ABLIM2: variants seen among roughly 807,000 people sequenced by gnomAD.
ABLIM2 encodes actin binding LIM protein family member 2, also known as actin-binding LIM protein 2.
Under a neutral mutation model 97.7 loss-of-function variants are expected in ABLIM2, and 53 were observed. That is an observed-to-expected ratio of 0.54 (90% CI 0.44 to 0.68). ABLIM2 has a LOEUF of 0.68. Among genes scored for constraint, ABLIM2 ranks in the 30% least tolerant of loss-of-function variants. The pLI, the probability that ABLIM2 is intolerant of heterozygous loss-of-function variation, is 0.00. For missense variants in ABLIM2, 835 were observed against 867.2 expected (o/e 0.96, Z 0.47); for synonymous variants, 361 against 345.8 (o/e 1.04, Z -0.49).
Position 8,054,547 on chromosome 4 carries a change from C to A in ABLIM2, c.764-301G>T, listed in dbSNP as rs932813236. Among the ~76,000 whole-genome samples the A allele has an allele frequency of 2.6e-5, 4 of 152,188 alleles. No homozygotes were observed. Among genetic ancestry groups the A allele is most frequent in the East Asian group, 1.9e-4 (1 of 5,186 alleles). On this transcript the variant is annotated intron_variant, in intron 7 of 20. Coordinates refer to ENST00000447017, the MANE Select transcript of ABLIM2 (RefSeq NM_001130083.2). This position sits in a 1 kb window ranked among gnomAD's most constrained non-coding sequence, Gnocchi z 4.9. Reference sequence around the variant, plus strand: ...GGAGGAGGCATAGGGTCTTGAGGAACCTGGGGGGCAGCTGGAAGATTCTTC... The same window carrying A: ...GGAGGAGGCATAGGGTCTTGAGGAAACTGGGGGGCAGCTGGAAGATTCTTC...
At position 8,106,540 on chromosome 4, in the gene ABLIM2, C is replaced by T. The variant is rs1234883340; in HGVS notation, c.108G>A (p.Leu36=). The change falls in exon 2 of 21, where the codon CTG becomes CTA. Residue 36 remains leucine (L), a synonymous_variant. Transcript: ENST00000447017. ...TCGNVCKGEV[L]RVQDKYFHIK... ...TGTGGAAGTACTTGTCCTGCACCCG[C>T]AGCACCTCGCCCTTGCACACATTCC... 6.2e-7 allele frequency: 1 copy of T among 1,604,656 alleles called. No individual in the cohort carries two copies. Among genetic ancestry groups the T allele is most frequent in the Admixed American group, 1.7e-5 (1 of 58,572 alleles).
chr4:7,979,482 A>G (rs1368927983), intron 20 of ABLIM2, among the ~76,000 whole-genome samples: 2 of 152,238 alleles, frequency 1.3e-5, no homozygotes, highest in Non-Finnish European at 2.9e-5. Flanking sequence ...GAAATTTAAC[A>G]TATTTTGAGC....
At chr4:7,975,007 C>T (rs891530160) in intron 20 of ABLIM2, among the ~76,000 whole-genome samples, 1 of 151,982 alleles carries the variant, frequency 6.6e-6, no homozygotes, top group Admixed American at 6.6e-5. Flanking sequence ...TCACTTGAGC[C>T]CAGGAATTTG....
At chr4:7,988,530 A>G (rs1028534023) in intron 17 of ABLIM2, among the ~76,000 whole-genome samples, 1 of 152,266 alleles carries the variant, frequency 6.6e-6, no homozygotes, top group African/African-American at 2.4e-5. Flanking sequence ...AATTGCTAAT[A>G]GGAATTGAGA....
At chr4:8,108,153 T>C (rs115608199) in intron 1 of ABLIM2, among the ~76,000 whole-genome samples, 3 of 152,222 alleles carry the variant, frequency 2.0e-5, no homozygotes, top group Non-Finnish European at 4.4e-5. Flanking sequence ...GGGAAGGTAA[T>C]GCAGTGGTCA....
rs1722972440 is a variant in ABLIM2 at position 7,966,370 on chromosome 4, G to A, written c.*620C>T. The A allele has an allele frequency of 6.5e-6, 1 of 152,746 alleles. No individual in the cohort carries two copies. Among genetic ancestry groups the A allele is most frequent in the Non-Finnish European group, 1.5e-5 (1 of 68,116 alleles). The allele number at this position is 152,746 out of a possible 1,614,324, so 9.5% of individuals were successfully genotyped here. ...TAGGCATCTAGGGGTCGATCTGGAG[G>A]AGGAACGCAGCGCATGGAGGGGCGC... On this transcript the variant is annotated 3_prime_UTR_variant, in exon 21 of 21. Coordinates refer to ENST00000447017, the MANE Select transcript of ABLIM2 (RefSeq NM_001130083.2).
At chr4:8,131,272 G>A (rs966618798) in intron 1 of ABLIM2, among the ~76,000 whole-genome samples, 26 of 152,264 alleles carry the variant, frequency 1.7e-4, no homozygotes, top group Admixed American at 1.5e-3. Context: ...TGTAAATGGC[G>A]AACAAAAAAT....
At chr4:8,094,984 CTCTTTCTT>C (rs200543335) in intron 3 of ABLIM2, among the ~76,000 whole-genome samples, 1 of 122,238 alleles carries the variant, frequency 8.2e-6, no homozygotes, top group African/African-American at 3.4e-5. Context: ...CCCTTTCTTT[CTCTTTCTT>C]TTCCTTTTTC....
In ABLIM2 at chr4:8,147,522, A is replaced by G. The variant is rs1296217305; in HGVS notation, c.10+11158T>C. Reference sequence around the variant, plus strand: ...TTCTGGATGCTATGGGCGGGCTCTGAGTGCAATCTCAAGAGTCCTTATGGG... The same window carrying G: ...TTCTGGATGCTATGGGCGGGCTCTGGGTGCAATCTCAAGAGTCCTTATGGG... On this transcript the variant is annotated intron_variant, in intron 1 of 20. Transcript: ENST00000447017. The surrounding 1 kb of genome is among the most constrained non-coding windows in gnomAD (Gnocchi z 5.3). Among the ~76,000 whole-genome samples the G allele has an allele frequency of 6.6e-6, 1 of 152,182 alleles. No individual in the cohort carries two copies. The highest frequency in any genetic ancestry group is 6.5e-5 in the Admixed American group (1 of 15,280).
intron 1 of ABLIM2, among the ~76,000 whole-genome samples, chr4:8,109,761 T>C (rs895593286): frequency 6.6e-6 from 1 of 152,058 alleles, no homozygotes; most frequent in Admixed American, 6.6e-5. Flanking sequence ...GGAAAGGAGA[T>C]GAATGGCATG....
rs1419451407 is a variant in ABLIM2 at position 8,083,803 on chromosome 4, C to T, written c.455-3001G>A. ...AATGTCAGCTGGCCACGTGCCCGTA[C>T]ATCCTGGTTGGCACTGCCATCAGCA... On this transcript the variant is annotated intron_variant, in intron 4 of 20. Transcript: ENST00000447017. This position sits in a 1 kb window ranked among gnomAD's most constrained non-coding sequence, Gnocchi z 4.6. Among the ~76,000 whole-genome samples, 1 of 152,236 alleles carries T rather than the reference C, an allele frequency of 6.6e-6. No individual in the cohort carries two copies. The highest frequency in any genetic ancestry group is 1.5e-5 in the Non-Finnish European group (1 of 68,046).
intron 12 of ABLIM2, 21 bp downstream of exon 12, chr4:8,027,738 C>G (rs1277151071): frequency 8.4e-6 from 13 of 1,545,110 alleles, no homozygotes; most frequent in Non-Finnish European, 1.1e-5. Context: ...CACCCACAGC[C>G]CACATCACTG....
In ABLIM2 at chr4:7,970,684, G is replaced by A. The variant is rs141609717; in HGVS notation, c.1825-3581C>T. On this transcript the variant is annotated intron_variant, in intron 20 of 20. Coordinates refer to ENST00000447017, the MANE Select transcript of ABLIM2 (RefSeq NM_001130083.2). The surrounding 1 kb of genome is among the most constrained non-coding windows in gnomAD (Gnocchi z 5.3). ...CAGAGGTGCCCTTGGGGATGACTGT[G>A]GGGGGGCGGTGGAGGGAGCATCTGG... is the stretch of plus-strand genomic sequence containing the variant. Among the ~76,000 whole-genome samples the A allele has an allele frequency of 6.6e-6, 1 of 151,796 alleles. No homozygotes were observed. The highest frequency in any genetic ancestry group is 1.5e-5 in the Non-Finnish European group (1 of 67,970).
rs1253121923 is a variant in ABLIM2, at chr4:8,120,800, C to T, written c.11-14163G>A. Among the ~76,000 whole-genome samples, 3 of 152,176 alleles carry T rather than the reference C, an allele frequency of 2.0e-5. No individual in the cohort carries two copies. The highest frequency in any genetic ancestry group is 1.3e-4 in the Admixed American group (2 of 15,278). ...AACCTAGCGACCATCACAGCTCAGC[C>T]CAGCCTACCGGAAACATGCTCAGAA... is the stretch of plus-strand genomic sequence containing the variant. On this transcript the variant is annotated intron_variant, in intron 1 of 20. Transcript: ENST00000447017. The surrounding 1 kb of genome is among the most constrained non-coding windows in gnomAD (Gnocchi z 5.6).
chr4:8,040,620 AAAAAGAAAAG>A (rs142586797), intron 9 of ABLIM2, among the ~76,000 whole-genome samples: 1 of 150,314 alleles, frequency 6.7e-6, no homozygotes, highest in Non-Finnish European at 1.5e-5. Flanking sequence ...CAAAAAAAAA[AAAAAGAAAAG>A]AAAAGAAAAG....
intron 1 of ABLIM2, among the ~76,000 whole-genome samples, chr4:8,116,900 T>C (rs1444366640): frequency 6.6e-6 from 1 of 152,240 alleles, no homozygotes; most frequent in Non-Finnish European, 1.5e-5. Flanking sequence ...TTGATGAGGA[T>C]AGCAGTTTAT....
intron 16 of ABLIM2, among the ~76,000 whole-genome samples, chr4:7,994,107 T>A (rs1751284005): frequency 2.3e-5 from 1 of 42,910 alleles, no homozygotes; most frequent in Non-Finnish European, 7.0e-5. Context: ...TTTTTTTTTT[T>A]TTTATTATAC....
chr4:8,083,651 C>T lies in ABLIM2; in HGVS notation c.455-2849G>A, dbSNP rs377018569. Among the ~76,000 whole-genome samples, 32 of 152,320 alleles carry T rather than the reference C, an allele frequency of 2.1e-4. No individual in the cohort carries two copies. Among genetic ancestry groups the T allele is most frequent in the African/African-American group, 6.5e-4 (27 of 41,568 alleles). ...CACATCCTCACTTTCTAAACACATC[C>T]GGAGCTCCACATTGCTTTGCGGGCT... On this transcript the variant is annotated intron_variant, in intron 4 of 20. Coordinates refer to ENST00000447017, the MANE Select transcript of ABLIM2 (RefSeq NM_001130083.2). The surrounding 1 kb of genome is among the most constrained non-coding windows in gnomAD (Gnocchi z 4.6).
intron 8 of ABLIM2, among the ~76,000 whole-genome samples, chr4:8,045,772 T>A (rs1791962154): frequency 6.6e-6 from 1 of 152,142 alleles, no homozygotes; most frequent in South Asian, 2.1e-4. Context: ...GTGGGCCACA[T>A]GAGACCAGAG....
Sources: allele counts gnomAD v4.1 joint callset (sites outside exome capture counted in the v4.1 genomes callset), GRCh38; gene constraint gnomAD v4.1.1; non-coding constraint Gnocchi (gnomAD v3.1); transcripts MANE v1.5; gene names NCBI Gene and HGNC (gene_info 2026-07-23, HGNC 2026-07-21).